The following RABGAP1L variants were observed in gnomAD, a reference collection of about 807,000 sequenced individuals.
RABGAP1L encodes rab GTPase-activating protein 1-like.
In RABGAP1L, 63 loss-of-function variants were observed where a neutral mutation model predicts 137.7. That is an observed-to-expected ratio of 0.46 (90% CI 0.37 to 0.56). The LOEUF (loss-of-function observed/expected upper bound fraction) is 0.56, where lower values mean the gene tolerates loss of function less well. Ranked by LOEUF, RABGAP1L falls within the 20% of genes least tolerant of loss-of-function variation. RABGAP1L has a pLI of 0.00. For synonymous variants in RABGAP1L, 431 were observed against 433.7 expected, an observed-to-expected ratio of 0.99 and a Z score of 0.08; for missense variants, 1,095 against 1,244.0, an observed-to-expected ratio of 0.88 and a Z score of 1.80.
At chr1:174,434,151 A>ACACACACACACACACACACCCC (rs1361968902) in intron 13 of RABGAP1L, among the ~76,000 whole-genome samples, 1 of 147,518 alleles carries the variant, frequency 6.8e-6, no homozygotes, top group Non-Finnish European at 1.5e-5. Flanking sequence ...ACACACACAC[A>ACACACACACACACACACACCCC]CCCTGCCTGG....
intron 13 of RABGAP1L, among the ~76,000 whole-genome samples, chr1:174,499,299 A>G (rs184314547): frequency 1.3e-5 from 2 of 152,314 alleles, no homozygotes; most frequent in East Asian, 1.9e-4. Flanking sequence ...TTTAAAATTA[A>G]TAGCATAGTA....
At chr1:174,350,175 C>T (rs1231795759) in intron 11 of RABGAP1L, among the ~76,000 whole-genome samples, 13 of 135,308 alleles carry the variant, frequency 9.6e-5, no homozygotes, top group African/African-American at 2.6e-4. Context: ...GGCGGCTGGC[C>T]GGGCGGGGGG....
At chr1:174,241,369 T>G in intron 4 of RABGAP1L, 114 bp from the exon 5 acceptor site, 1 of 645,812 alleles carries the variant, frequency 1.5e-6, no homozygotes, top group Non-Finnish European at 2.4e-6. Flanking sequence ...ATATCATATA[T>G]TGTCATAGTA....
chr1:174,936,480 G>A (rs1664814741), intron 19 of RABGAP1L, among the ~76,000 whole-genome samples: 1 of 152,084 alleles, frequency 6.6e-6, no homozygotes, highest in African/African-American at 2.4e-5. Flanking sequence ...GCACATGTCT[G>A]TAGTCCCAGC....
chr1:174,506,144 T>C (rs1480739624), intron 13 of RABGAP1L, among the ~76,000 whole-genome samples: 2 of 152,168 alleles, frequency 1.3e-5, no homozygotes, highest in South Asian at 2.1e-4. Flanking sequence ...GGCTGGAGGA[T>C]TGGGAAGATG....
chr1:174,362,324 A>G (rs1024729026), intron 11 of RABGAP1L, among the ~76,000 whole-genome samples: 2 of 152,164 alleles, frequency 1.3e-5, no homozygotes, highest in Non-Finnish European at 2.9e-5. Flanking sequence ...GTCAAATGGT[A>G]TTTCTGTCTT....
chr1:174,324,102 T>C (rs1433175607), intron 11 of RABGAP1L, among the ~76,000 whole-genome samples: 2 of 152,156 alleles, frequency 1.3e-5, no homozygotes, highest in Non-Finnish European at 2.9e-5. Context: ...TAAAATCATG[T>C]AGGCGAATCA....
At chr1:174,481,130 A>G (rs539738640) in intron 13 of RABGAP1L, among the ~76,000 whole-genome samples, 1 of 152,070 alleles carries the variant, frequency 6.6e-6, no homozygotes, top group African/African-American at 2.4e-5. Context: ...TTAACTACCA[A>G]TTTATCAAAA....
chr1:174,404,511 C>T (rs1048139615), intron 13 of RABGAP1L, among the ~76,000 whole-genome samples: 2 of 152,066 alleles, frequency 1.3e-5, no homozygotes, highest in East Asian at 3.9e-4. Context: ...AAATACATAT[C>T]ATGGTAAGCC....
At chr1:174,238,296 G>T (rs566884005) in intron 4 of RABGAP1L, among the ~76,000 whole-genome samples, 2 of 152,322 alleles carry the variant, frequency 1.3e-5, no homozygotes, top group Non-Finnish European at 2.9e-5. Flanking sequence ...ATCCAGGTTT[G>T]TTCCGTTGCC....
Position 174,547,560 on chromosome 1 carries a change from T to A in RABGAP1L, c.1711-89815T>A, listed in dbSNP as rs118161963. 8.1e-4 allele frequency among the ~76,000 whole-genome samples: 124 copies of A among 152,164 alleles called. No individual in the cohort carries two copies. The East Asian group carries it at 0.016, about 20-fold the overall frequency. On this transcript the variant is annotated intron_variant, in intron 13 of 25. Transcript: ENST00000681986. ...TGAGCACAGGAAGTTGAGGAAGCAG[T>A]GAGCTGTGATTGTGCTACTGTACTT... is the stretch of plus-strand genomic sequence containing the variant.
chr1:174,742,895 G>A (rs1402405198), intron 17 of RABGAP1L, among the ~76,000 whole-genome samples: 1 of 152,144 alleles, frequency 6.6e-6, no homozygotes, highest in African/African-American at 2.4e-5. Flanking sequence ...TAGGTGGTGT[G>A]TTATCTGTTT....
At chr1:174,780,447 T>G (rs939944217) in intron 18 of RABGAP1L, among the ~76,000 whole-genome samples, 2 of 152,304 alleles carry the variant, frequency 1.3e-5, no homozygotes, top group Non-Finnish European at 2.9e-5. Context: ...GTCTAGCTCC[T>G]ATCTAACCCC....
chr1:174,511,326 T>C (rs919399603), intron 13 of RABGAP1L, among the ~76,000 whole-genome samples: 3 of 152,222 alleles, frequency 2.0e-5, no homozygotes, highest in African/African-American at 7.2e-5. Context: ...ACATAGGTGC[T>C]GATAAATATG....
At chr1:174,302,800 T>C (rs1350788472) in intron 10 of RABGAP1L, among the ~76,000 whole-genome samples, 1 of 152,196 alleles carries the variant, frequency 6.6e-6, no homozygotes, top group Non-Finnish European at 1.5e-5. Context: ...TGCCTTGACA[T>C]TCCTTTAAGT....
At chr1:174,850,766 T>C (rs150398196) in intron 19 of RABGAP1L, among the ~76,000 whole-genome samples, 3 of 152,350 alleles carry the variant, frequency 2.0e-5, no homozygotes, top group Non-Finnish European at 4.4e-5. Flanking sequence ...GCCTACATTA[T>C]CTGAGTGGGC....
chr1:174,708,597 AC>A (rs1294273680), intron 17 of RABGAP1L, among the ~76,000 whole-genome samples: 4 of 152,150 alleles, frequency 2.6e-5, no homozygotes, highest in African/African-American at 9.7e-5. Flanking sequence ...GCCATGAGGG[AC>A]AGTGCTATCC....
intron 19 of RABGAP1L, among the ~76,000 whole-genome samples, chr1:174,894,941 G>A (rs935972017): frequency 6.6e-6 from 1 of 152,094 alleles, no homozygotes; most frequent in Admixed American, 6.6e-5. Flanking sequence ...ATTTTTAGTA[G>A]AGACGAGATT....
At chr1:174,344,717 C>G (rs967164966) in intron 11 of RABGAP1L, among the ~76,000 whole-genome samples, 1 of 152,160 alleles carries the variant, frequency 6.6e-6, no homozygotes, top group African/African-American at 2.4e-5. Flanking sequence ...ATTCCACTTT[C>G]TAGTTATTAA....
Sources: gnomAD v4.1 joint callset for allele counts (sites outside exome capture counted in the v4.1 genomes callset) on GRCh38, gnomAD v4.1.1 for gene constraint, MANE v1.5 for transcripts, NCBI Gene and HGNC (gene_info 2026-07-23, HGNC 2026-07-21) for gene names.